Variants in NDUFC2 observed in about 807,000 individuals in gnomAD.
The protein encoded by NDUFC2 is NADH dehydrogenase [ubiquinone] 1 subunit C2.
In NDUFC2, 2 loss-of-function variants were observed where a neutral mutation model predicts 10.1. The observed-to-expected ratio is 0.20, with a 90% CI of 0.08 to 0.62. The LOEUF is 0.62. Ranked by LOEUF, NDUFC2 falls within the 20% of genes least tolerant of loss-of-function variation. The probability of loss-of-function intolerance (pLI) is 0.87; values close to 1 mark genes in which losing one functional copy is unlikely to be tolerated. For missense variants in NDUFC2, 156 were observed against 159.6 expected (o/e 0.98, Z 0.12); for synonymous variants, 61 against 63.6 (o/e 0.96, Z 0.20).
chr11:78,079,765 A>T lies in NDUFC2; in HGVS notation c.-21T>A. 4 of 1,598,334 alleles carry T rather than the reference A, an allele frequency of 2.5e-6. No homozygotes were observed. Among genetic ancestry groups the T allele is most frequent in the Non-Finnish European group, 2.6e-6 (3 of 1,174,440 alleles). On this transcript the variant is annotated 5_prime_UTR_variant, in exon 1 of 3. Transcript: ENST00000281031. ...ATCATGGTGACGCCGTTTCCACTTG[A>T]GGCCTGGTCTCAGACCACGAACTAC...
chr11:78,076,238 T>C lies in NDUFC2; in HGVS notation c.167-3097A>G, dbSNP rs59584824. 3.5e-4 allele frequency among the ~76,000 whole-genome samples: 53 copies of C among 152,178 alleles called. 1 individual carries two copies. The East Asian group carries it at 8.9e-3, about 26-fold the overall frequency. The stretch of plus-strand genomic sequence containing the variant: ...CTCACTGAAATCTCCACCTCCCAGG[T>C]TCAAGCAATTCTCCAGCCTCTGCCT... On this transcript the variant is annotated intron_variant, in intron 1 of 2. Coordinates refer to ENST00000281031, the MANE Select transcript of NDUFC2 (RefSeq NM_004549.6).
At chr11:78,078,164 A>C (rs1214594496) in intron 1 of NDUFC2, among the ~76,000 whole-genome samples, 1 of 152,180 alleles carries the variant, frequency 6.6e-6, no homozygotes, top group African/African-American at 2.4e-5. Flanking sequence ...CCATTGCCTG[A>C]GCTTTTTTCC....
chr11:78,075,256 GA>G (rs1220377663), intron 1 of NDUFC2, among the ~76,000 whole-genome samples: 1 of 152,162 alleles, frequency 6.6e-6, no homozygotes, highest in Non-Finnish European at 1.5e-5. Context: ...GATGATGAGA[GA>G]AAAACTTATA....
chr11:78,073,100 C>CA lies in NDUFC2; in HGVS notation c.207dup (p.Ala70CysfsTer9), dbSNP rs747914168. 5.7e-5 allele frequency: 91 copies of CA among 1,596,534 alleles called. No individual in the cohort carries two copies. The highest frequency in any genetic ancestry group is 9.0e-5 in the South Asian group (8 of 88,974). ...TCACGTTTTACAAGATAATATCCAG[C>CA]AAAAAAAAAGGCCGTAATATATAGA... On this transcript the variant is annotated frameshift_variant, in exon 2 of 3. Coordinates refer to ENST00000281031, the MANE Select transcript of NDUFC2 (RefSeq NM_004549.6). LOFTEE classifies it high-confidence loss of function.
At chr11:78,074,423 G>A (rs544446272) in intron 1 of NDUFC2, among the ~76,000 whole-genome samples, 238 of 151,964 alleles carry the variant, frequency 1.6e-3, no homozygotes, top group African/African-American at 5.4e-3. Flanking sequence ...GACCAGCCTG[G>A]CCAACATGGT....
chr11:78,073,801 CAAAAAAA>C (rs11290651), intron 1 of NDUFC2, among the ~76,000 whole-genome samples: 1 of 62,088 alleles, frequency 1.6e-5, no homozygotes, highest in Non-Finnish European at 2.9e-5. Context: ...GGCTCTGTCT[CAAAAAAA>C]AAAAAAAAAA....
chr11:78,078,876 C>T (rs993995412), intron 1 of NDUFC2, among the ~76,000 whole-genome samples: 13 of 147,588 alleles, frequency 8.8e-5, no homozygotes, highest in Non-Finnish European at 1.8e-4. Flanking sequence ...AGGCGTGCAC[C>T]ACCACGCCCG....
In NDUFC2 at chr11:78,079,845, C is replaced by T. The variant is rs557908984; in HGVS notation, c.-101G>A. ...CCTAAGCGGTCAGCTTTCTCCTCCT[C>T]CTCTGCGCGCCGGACTCACGGGCAC... On this transcript the variant is annotated 5_prime_UTR_variant, in exon 1 of 3. Transcript: ENST00000281031. 1.5e-5 allele frequency: 21 copies of T among 1,446,452 alleles called. No individual in the cohort carries two copies. The East Asian group carries it at 5.5e-4, about 38-fold the overall frequency. 89.6% of individuals were successfully genotyped at this position (1,446,452 alleles called of 1,614,324 possible). A position where few individuals can be genotyped will look rare whatever the true frequency, so the allele number is the denominator to read the frequency against.
chr11:78,075,044 C>G (rs550812599), intron 1 of NDUFC2, among the ~76,000 whole-genome samples: 2 of 152,334 alleles, frequency 1.3e-5, no homozygotes, highest in African/African-American at 4.8e-5. Flanking sequence ...CCTGCACACC[C>G]CATCTACAAT....
intron 2 of NDUFC2, among the ~76,000 whole-genome samples, chr11:78,071,928 C>T (rs776529675): frequency 7.2e-5 from 11 of 152,260 alleles, no homozygotes; most frequent in African/African-American, 1.4e-4. Context: ...GTATTCCATA[C>T]GGTTCATATC....
chr11:78,071,254 ATTTTTT>A (rs34320551), intron 2 of NDUFC2, among the ~76,000 whole-genome samples: 2 of 127,746 alleles, frequency 1.6e-5, no homozygotes, highest in Non-Finnish European at 3.3e-5. Flanking sequence ...TAACAGAAGA[ATTTTTT>A]TTTTTTTTTT....
chr11:78,072,924 T>G, intron 2 of NDUFC2, 74 bp downstream of exon 2: 1 of 1,563,818 alleles, frequency 6.4e-7, no homozygotes, highest in Non-Finnish European at 8.6e-7. Flanking sequence ...TCTAAAGCCA[T>G]ACACATGGAT....
intron 1 of NDUFC2, among the ~76,000 whole-genome samples, chr11:78,074,790 A>C (rs588584): frequency 0.19 from 28,550 of 152,230 alleles, 3,043 homozygotes; most frequent in Middle Eastern, 0.3. Context: ...ACTGCTTTCC[A>C]TAATGGGCTA....
intron 1 of NDUFC2, among the ~76,000 whole-genome samples, chr11:78,078,728 C>CTTTTTGTTTTTTTTTTTTTTTTT (rs1859358593): frequency 1.6e-5 from 1 of 61,642 alleles, no homozygotes; most frequent in Non-Finnish European, 3.0e-5. Flanking sequence ...TCAGGATCCG[C>CTTTTTGTTTTTTTTTTTTTTTTT]TTTTTTTTTT....
intron 2 of NDUFC2, 64 bp from the exon 3 acceptor site, chr11:78,070,100 AACGAAAATTAAC>A (rs1208540818): frequency 8.9e-7 from 1 of 1,118,338 alleles, no homozygotes; most frequent in African/African-American, 1.6e-5. Flanking sequence ...GTATTTCCTA[AACGAAAATTAAC>A]ACTCACTAAT....
chr11:78,073,190 G>C (rs1210049080), intron 1 of NDUFC2, 49 bp from the exon 2 acceptor site: 1 of 1,608,814 alleles, frequency 6.2e-7, no homozygotes, highest in East Asian at 2.2e-5. Context: ...TAGTCCATGT[G>C]TATTAAGAGT....
Position 78,073,267 on chromosome 11 carries a change from G to A in NDUFC2, c.167-126C>T. ...AGCACTTTGGGAGGCCAAGACAGGTGGATCACCTGAGGTCAGGAGTTCGAG... is the reference window on the plus strand; with the variant it reads ...AGCACTTTGGGAGGCCAAGACAGGTAGATCACCTGAGGTCAGGAGTTCGAG... On this transcript the variant is annotated intron_variant, in intron 1 of 2. Transcript: ENST00000281031. 2.1e-6 allele frequency: 3 copies of A among 1,418,080 alleles called. No individual in the cohort carries two copies. In the South Asian group the frequency reaches 3.8e-5, roughly 18 times the overall value. The allele number at this position is 1,418,080 out of a possible 1,614,324, so 87.8% of individuals were successfully genotyped here.
In NDUFC2 at chr11:78,079,697, C is replaced by G; in HGVS notation, c.48G>C (p.Glu16Asp). The G allele has an allele frequency of 6.2e-7, 1 of 1,610,302 alleles. No individual in the cohort carries two copies. The change falls in exon 1 of 3, where the codon GAG becomes GAC. Residue 16 changes from glutamate to aspartate, a missense_variant. By Grantham distance (45) the Glu-to-Asp change is conservative. Transcript: ENST00000281031. ...GCTTGGGCGGGGGCAGGCTCCGGGC[C>G]TCATCCGGCAGAAACCGTAAGGGTT... ...NPEPLRFLPD[E>D]ARSLPPPKLT...
intron 1 of NDUFC2, among the ~76,000 whole-genome samples, chr11:78,079,049 A>C (rs1859383490): frequency 6.8e-6 from 1 of 146,322 alleles, no homozygotes. Flanking sequence ...TTAACAAGAC[A>C]CCTATGCTAT....
Sources: gnomAD v4.1 joint callset for allele counts (sites outside exome capture counted in the v4.1 genomes callset) on GRCh38, gnomAD v4.1.1 for gene constraint, MANE v1.5 for transcripts, NCBI Gene and HGNC (gene_info 2026-07-23, HGNC 2026-07-21) for gene names.